NT5DC3: variants seen among roughly 807,000 people sequenced by gnomAD.
NT5DC3 encodes 5'-nucleotidase domain-containing protein 3.
A neutral mutation model predicts 67.8 loss-of-function variants in NT5DC3; 42 were observed. The observed-to-expected ratio is 0.62, with a 90% CI of 0.48 to 0.80. The LOEUF is 0.80. NT5DC3 is among the 30% of genes least tolerant of loss of function. NT5DC3 has a pLI of 0.00. For missense variants in NT5DC3, 570 were observed against 696.4 expected, an observed-to-expected ratio of 0.82 and a Z score of 2.04; for synonymous variants, 237 against 255.6, an observed-to-expected ratio of 0.93 and a Z score of 0.69.
downstream of NT5DC3, chr12:103,766,332 T>C (rs749470281): frequency 1.2e-6 from 2 of 1,611,556 alleles, no homozygotes; most frequent in African/African-American, 1.3e-5. Context: ...TTGAGGACAC[T>C]GTGAGGGCCT....
chr12:103,827,784 G>A (rs1030189442), intron 1 of NT5DC3, among the ~76,000 whole-genome samples: 1 of 152,150 alleles, frequency 6.6e-6, no homozygotes, highest in African/African-American at 2.4e-5. Flanking sequence ...GATATAACAT[G>A]TAGTATTTGA....
chr12:103,816,206 G>C (rs906022407), intron 1 of NT5DC3, among the ~76,000 whole-genome samples: 3 of 152,148 alleles, frequency 2.0e-5, no homozygotes, highest in African/African-American at 7.2e-5. Flanking sequence ...TTTGGATATA[G>C]GATTTTTTCA....
Position 103,786,681 on chromosome 12 carries a change from A to ATTTT in NT5DC3, c.1188+756_1188+759dup, listed in dbSNP as rs3036176. On this transcript the variant is annotated intron_variant, in intron 11 of 13. Coordinates refer to ENST00000392876, the MANE Select transcript of NT5DC3 (RefSeq NM_001031701.3). ...GATGCCCACCTTCCTCACTGGTTTG[A>ATTTT]TTTTTTTTTTTTTTTTTTTGAGGCA... Among the ~76,000 whole-genome samples the ATTTT allele has an allele frequency of 1.6e-3, 212 of 132,372 alleles. 13 individuals are homozygous for ATTTT. Among genetic ancestry groups the ATTTT allele is most frequent in the East Asian group, 2.4e-3 (9 of 3,806 alleles). The allele number at this position is 132,372 out of a possible 152,430, so 86.8% of individuals were successfully genotyped here.
chr12:103,761,404 C>T, the NT5DC3 span: 2 of 1,613,410 alleles, frequency 1.2e-6, no homozygotes, highest in African/African-American at 1.3e-5. Context: ...CACCCCCTGC[C>T]CCCGTGGTGA....
intron 1 of NT5DC3, among the ~76,000 whole-genome samples, chr12:103,834,364 G>A (rs1888057115): frequency 6.6e-6 from 1 of 152,182 alleles, no homozygotes; most frequent in Non-Finnish European, 1.5e-5. Flanking sequence ...TTCCAATTGA[G>A]GGACATTCTG....
intron 6 of NT5DC3, 150 bp from the exon 7 acceptor site, chr12:103,794,147 T>TA (rs1886195058): frequency 1.6e-4 from 96 of 584,850 alleles, no homozygotes; most frequent in Non-Finnish European, 2.1e-4. Context: ...TCCATTTTCT[T>TA]CTTCTTTTTT....
chr12:103,751,867 C>T, the NT5DC3 span, among the ~76,000 whole-genome samples: 11 of 152,158 alleles, frequency 7.2e-5, no homozygotes, highest in Non-Finnish European at 1.6e-4. Context: ...CTGTGCATCA[C>T]GTTGGACCTC....
intron 1 of NT5DC3, among the ~76,000 whole-genome samples, chr12:103,818,814 C>T (rs764872042): frequency 9.9e-5 from 15 of 152,152 alleles, no homozygotes; most frequent in Non-Finnish European, 1.8e-4. Context: ...TCTTTGATAT[C>T]TAATACTGAA....
the NT5DC3 span, chr12:103,763,826 AAAC>A: frequency 2.2e-6 from 1 of 464,684 alleles, no homozygotes; most frequent in Non-Finnish European, 3.8e-6. Flanking sequence ...ATCCTTGAAC[AAAC>A]AGAGACAGGC....
chr12:103,758,076 T>A, the NT5DC3 span: 3 of 1,562,446 alleles, frequency 1.9e-6, no homozygotes, highest in South Asian at 2.3e-5. Flanking sequence ...ACCATGAATA[T>A]TCACAGATGG....
At chr12:103,808,201 C>T (rs1025247917) in intron 2 of NT5DC3, among the ~76,000 whole-genome samples, 4 of 152,210 alleles carry the variant, frequency 2.6e-5, no homozygotes, top group Non-Finnish European at 5.9e-5. Context: ...CAGGCCCTAC[C>T]ATCCCCATTT....
At chr12:103,767,360 G>A (rs1885027154), downstream of NT5DC3, among the ~76,000 whole-genome samples, 1 of 152,188 alleles carries the variant, frequency 6.6e-6, no homozygotes, top group Non-Finnish European at 1.5e-5. Flanking sequence ...GGCTAAAATA[G>A]GCAAATTGAT....
the NT5DC3 span, chr12:103,763,542 T>TATC: frequency 1.2e-6 from 2 of 1,614,134 alleles, no homozygotes; most frequent in East Asian, 4.5e-5. Flanking sequence ...AGCCTGAGAA[T>TATC]ATCTCGAACC....
chr12:103,774,629 A>T lies in NT5DC3; in HGVS notation c.*3200T>A, dbSNP rs1885281148. On this transcript the variant is annotated 3_prime_UTR_variant, in exon 14 of 14. Transcript: ENST00000392876. ...AACCCAGGAGGCGGAGGTTGGAGTGAGCCAAGATCGTGCCATTGCACTCCG... is the reference window on the plus strand; with the variant it reads ...AACCCAGGAGGCGGAGGTTGGAGTGTGCCAAGATCGTGCCATTGCACTCCG... The T allele has an allele frequency of 6.7e-6, 1 of 148,432 alleles. No homozygotes were observed. Among genetic ancestry groups the T allele is most frequent in the South Asian group, 2.2e-4 (1 of 4,634 alleles). 9.2% of individuals were successfully genotyped at this position (148,432 alleles called of 1,614,324 possible).
chr12:103,813,099 T>C lies in NT5DC3; in HGVS notation c.393+1838A>G, dbSNP rs117626490. Among the ~76,000 whole-genome samples, 571 of 152,348 alleles carry C rather than the reference T, an allele frequency of 3.7e-3. 7 individuals are homozygous for C. The highest frequency in any genetic ancestry group is 0.026 in the East Asian group (136 of 5,190). ...GTGGACAATCAATGAACACTGCCACTGGGATCATGGCTTGCTTTTTATAAA... is the reference window on the plus strand; with the variant it reads ...GTGGACAATCAATGAACACTGCCACCGGGATCATGGCTTGCTTTTTATAAA... On this transcript the variant is annotated intron_variant, in intron 2 of 13. Coordinates refer to ENST00000392876, the MANE Select transcript of NT5DC3 (RefSeq NM_001031701.3).
intron 3 of NT5DC3, 142 bp from the exon 4 acceptor site, chr12:103,806,519 C>T: frequency 1.5e-6 from 1 of 666,714 alleles, no homozygotes; most frequent in Middle Eastern, 4.0e-4. Context: ...GAAAGGGTTG[C>T]TTGTTAATTA....
chr12:103,780,182 G>A, intron 13 of NT5DC3, 118 bp downstream of exon 13: 2 of 834,848 alleles, frequency 2.4e-6, no homozygotes, highest in South Asian at 1.4e-5. Context: ...GACATACCTG[G>A]GAGCTAAAAT....
chr12:103,814,611 A>G (rs1422955215), intron 2 of NT5DC3, among the ~76,000 whole-genome samples: 1 of 152,232 alleles, frequency 6.6e-6, no homozygotes, highest in Non-Finnish European at 1.5e-5. Flanking sequence ...CCTCCTAACC[A>G]GAATTCAACA....
In NT5DC3 at chr12:103,778,480, G is replaced by A. The variant is rs572352487; in HGVS notation, c.1395-399C>T. On this transcript the variant is annotated intron_variant, in intron 13 of 13. Coordinates refer to ENST00000392876, the MANE Select transcript of NT5DC3 (RefSeq NM_001031701.3). ...AGGGAGGCAGAGGGTGCAGTAAGCA[G>A]AGATCATGCCACTGCACTCCAGCCT... is the stretch of plus-strand genomic sequence containing the variant. Among the ~76,000 whole-genome samples, 11 of 152,288 alleles carry A rather than the reference G, an allele frequency of 7.2e-5. No individual in the cohort carries two copies. In the East Asian group the frequency reaches 2.1e-3, roughly 29 times the overall value.
Sources: gnomAD v4.1 joint callset for allele counts (sites outside exome capture counted in the v4.1 genomes callset) on GRCh38, gnomAD v4.1.1 for gene constraint, MANE v1.5 for transcripts, NCBI Gene and HGNC (gene_info 2026-07-23, HGNC 2026-07-21) for gene names.